DLC1: variants seen among roughly 807,000 people sequenced by gnomAD.
DLC1 encodes the protein DLC1 Rho GTPase activating protein.
DLC1 carries 54 observed loss-of-function variants against 140.3 expected under a neutral mutation model. That is an observed-to-expected ratio of 0.38 (90% confidence interval 0.31 to 0.48). The LOEUF (loss-of-function observed/expected upper bound fraction) is 0.48, where lower values mean the gene tolerates loss of function less well. Among genes scored for constraint, DLC1 ranks in the 20% least tolerant of loss-of-function variants. The pLI is 0.96. For synonymous variants in DLC1, 986 were observed against 728.1 expected (o/e 1.35, Z -5.70); for missense variants, 2,536 against 1,907.0 (o/e 1.33, Z -6.14).
At chr8:13,121,123 A>G (rs1821022272) in intron 5 of DLC1, among the ~76,000 whole-genome samples, 1 of 152,196 alleles carries the variant, frequency 6.6e-6, no homozygotes, top group South Asian at 2.1e-4. Context: ...AATTAAAGGA[A>G]TGTAAGAAAA....
chr8:13,402,419 G>T (rs6996724), intron 2 of DLC1, among the ~76,000 whole-genome samples: 56,784 of 152,054 alleles, frequency 0.37, 12,145 homozygotes, highest in Non-Finnish European at 0.48. Flanking sequence ...GATTCCCTGT[G>T]TTGTACAAGG....
chr8:13,510,244 G>C (rs1448545616), intron 1 of DLC1, among the ~76,000 whole-genome samples: 1 of 149,606 alleles, frequency 6.7e-6, no homozygotes, highest in Non-Finnish European at 1.5e-5. Flanking sequence ...GCACAATTTC[G>C]GCTCACTGCA....
At position 13,115,339 on chromosome 8, in the gene DLC1, T is replaced by C. The variant is rs943966505; in HGVS notation, c.1420+247A>G. Among the ~76,000 whole-genome samples the C allele has an allele frequency of 2.9e-4, 44 of 152,206 alleles. 1 individual carries two copies. The highest frequency in any genetic ancestry group is 1.3e-4 in the Admixed American group (2 of 15,288). Reference sequence around the variant, plus strand: ...ATACAAAAAGAAAGCAAGAAAATGATAGTCTTCAGCATGCTGATTACTTTG... The same window carrying C: ...ATACAAAAAGAAAGCAAGAAAATGACAGTCTTCAGCATGCTGATTACTTTG... On this transcript the variant is annotated intron_variant, in intron 6 of 17. Transcript: ENST00000276297.
At chr8:13,149,968 A>C (rs941072733) in intron 5 of DLC1, among the ~76,000 whole-genome samples, 1 of 152,220 alleles carries the variant, frequency 6.6e-6, no homozygotes, top group South Asian at 2.1e-4. Context: ...TTCTCAAGGA[A>C]ATAATAGGCG....
intron 2 of DLC1, among the ~76,000 whole-genome samples, chr8:13,448,573 G>T (rs1412661087): frequency 6.6e-6 from 1 of 152,042 alleles, no homozygotes; most frequent in East Asian, 1.9e-4. Context: ...ATGTTGGCCA[G>T]GCTGATCTCA....
chr8:13,587,805 A>G (rs1471840342), intron 1 of DLC1, among the ~76,000 whole-genome samples: 1 of 151,962 alleles, frequency 6.6e-6, no homozygotes, highest in Non-Finnish European at 1.5e-5. Flanking sequence ...AGTTTCTATC[A>G]GTACTCTACT....
chr8:13,483,064 G>A (rs1800808809), intron 2 of DLC1, among the ~76,000 whole-genome samples: 1 of 152,148 alleles, frequency 6.6e-6, no homozygotes, highest in African/African-American at 2.4e-5. Flanking sequence ...GAAGGCTCTA[G>A]GGCAGAATCT....
intron 2 of DLC1, among the ~76,000 whole-genome samples, chr8:13,428,889 C>A (rs531399132): frequency 6.6e-6 from 1 of 152,094 alleles, no homozygotes; most frequent in African/African-American, 2.4e-5. Context: ...TAGAAGAGAC[C>A]TAAGTAGACT....
intron 2 of DLC1, among the ~76,000 whole-genome samples, chr8:13,448,435 C>T (rs1233137942): frequency 6.6e-6 from 1 of 151,142 alleles, no homozygotes; most frequent in Non-Finnish European, 1.5e-5. Flanking sequence ...GCAATCTTGG[C>T]CCACTGCAAC....
intron 5 of DLC1, among the ~76,000 whole-genome samples, chr8:13,170,690 A>C (rs982856113): frequency 1.4e-5 from 2 of 148,030 alleles, no homozygotes; most frequent in East Asian, 2.0e-4. Flanking sequence ...AGATCGCGCC[A>C]CTGCACTCCA....
rs202225994 is a variant in DLC1 at position 13,560,767 on chromosome 8, TG to T, written c.-126+43769del. Among the ~76,000 whole-genome samples, 1,051 of 150,766 alleles carry T rather than the reference TG, an allele frequency of 7.0e-3. 6 individuals are homozygous for T. Among genetic ancestry groups the T allele is most frequent in the Non-Finnish European group, 0.012 (826 of 67,654 alleles). The stretch of plus-strand genomic sequence containing the variant: ...TAATCTAATATGGCTAGTGTCCCTG[TG>T]GGGGGGGAGGGAAAAAGGAAATTTG... On this transcript the variant is annotated intron_variant, in intron 1 of 1. Transcript: ENST00000631382.
At chr8:13,140,388 A>G (rs1293737487) in intron 5 of DLC1, among the ~76,000 whole-genome samples, 1 of 151,898 alleles carries the variant, frequency 6.6e-6, no homozygotes, top group Non-Finnish European at 1.5e-5. Flanking sequence ...GGGCATCATC[A>G]TGCCTGGCTA....
intron 5 of DLC1, chr8:13,116,271 A>G: frequency 1.0e-6 from 1 of 976,540 alleles, no homozygotes; most frequent in Non-Finnish European, 1.2e-6. Flanking sequence ...GCAGGCAGAA[A>G]TGGCTAATAA....
intron 7 of DLC1, 108 bp from the exon 8 acceptor site, chr8:13,102,961 C>A: frequency 1.1e-6 from 1 of 886,854 alleles, no homozygotes; most frequent in Non-Finnish European, 1.8e-6. Flanking sequence ...TCTTGAAACT[C>A]AGTAATACCT....
chr8:13,241,349 G>A (rs1829536523), intron 5 of DLC1, among the ~76,000 whole-genome samples: 1 of 152,134 alleles, frequency 6.6e-6, no homozygotes. Flanking sequence ...TGGGCAAATG[G>A]GAGGCAACAT....
chr8:13,153,352 G>T (rs962508937), intron 5 of DLC1, among the ~76,000 whole-genome samples: 1 of 152,186 alleles, frequency 6.6e-6, no homozygotes, highest in African/African-American at 2.4e-5. Context: ...GTGAGTTTGC[G>T]ATCTCACTGG....
At chr8:13,281,405 G>C (rs754656572) in intron 5 of DLC1, among the ~76,000 whole-genome samples, 1 of 152,152 alleles carries the variant, frequency 6.6e-6, no homozygotes, top group Admixed American at 6.5e-5. Context: ...AAATTGATTA[G>C]CTCTGACCTG....
chr8:13,390,983 T>TAAAAAAAAAAA, intron 4 of DLC1, among the ~76,000 whole-genome samples: 2 of 70,354 alleles, frequency 2.8e-5, no homozygotes, highest in Non-Finnish European at 3.0e-5. Flanking sequence ...AGACTCCGTC[T>TAAAAAAAAAAA]CAAAAAAAAA....
At chr8:13,496,282 A>G (rs1801495475) in intron 2 of DLC1, among the ~76,000 whole-genome samples, 1 of 152,204 alleles carries the variant, frequency 6.6e-6, no homozygotes. Context: ...ATAAAAGCAG[A>G]ATCATAATAA....
Sources: allele counts gnomAD v4.1 joint callset (sites outside exome capture counted in the v4.1 genomes callset), GRCh38; gene constraint gnomAD v4.1.1; transcripts MANE v1.5; gene names NCBI Gene and HGNC (gene_info 2026-07-23, HGNC 2026-07-21).